TRUB1: variants seen among roughly 807,000 people sequenced by gnomAD.
TRUB1 encodes TruB pseudouridine synthase family member 1.
TRUB1 carries 23 observed loss-of-function variants against 33.9 expected under a neutral mutation model. That is an observed-to-expected ratio of 0.68 (90% CI 0.49 to 0.96). The LOEUF is 0.96. Among genes scored for constraint, TRUB1 ranks in the 40% least tolerant of loss-of-function variants. The pLI is 0.00. For synonymous variants in TRUB1, 163 were observed against 165.4 expected, an observed-to-expected ratio of 0.99 and a Z score of 0.11; for missense variants, 378 against 422.2, an observed-to-expected ratio of 0.90 and a Z score of 0.92.
chr10:114,942,565 C>A, intron 1 of TRUB1, 80 bp from the exon 2 acceptor site: 1 of 900,850 alleles, frequency 1.1e-6, no homozygotes, highest in Non-Finnish European at 1.8e-6. Flanking sequence ...AAATGCCATC[C>A]CCTTTTCCTC....
chr10:114,973,081 G>A (rs2143033349), intron 6 of TRUB1, among the ~76,000 whole-genome samples: 1 of 152,024 alleles, frequency 6.6e-6, no homozygotes, highest in Non-Finnish European at 1.5e-5. Context: ...AAACTCTATT[G>A]CTTTTTTATT....
intron 1 of TRUB1, among the ~76,000 whole-genome samples, chr10:114,941,930 A>AT (rs2084189024): frequency 6.6e-6 from 1 of 151,816 alleles, no homozygotes; most frequent in African/African-American, 2.4e-5. Flanking sequence ...GACTACAGGC[A>AT]CCCGCCACCA....
chr10:114,938,634 A>G, intron 1 of TRUB1, 95 bp downstream of exon 1: 1 of 1,308,042 alleles, frequency 7.6e-7, no homozygotes, highest in Non-Finnish European at 1.0e-6. Context: ...AAGAGACAAA[A>G]GGAGGGGAAA....
At position 114,976,568 on chromosome 10, in the gene TRUB1, A is replaced by C. The variant is rs972228628; in HGVS notation, c.*1189A>C. The C allele has an allele frequency of 6.6e-6, 1 of 152,154 alleles. No homozygotes were observed. Among genetic ancestry groups the C allele is most frequent in the Non-Finnish European group, 1.5e-5 (1 of 67,994 alleles). The allele number at this position is 152,154 out of a possible 1,614,324, so 9.4% of individuals were successfully genotyped here. ...AGTTTCAAAAGGAAGACTCATGAGA[A>C]ATTTCATAAAATACAAGTTTTTAGA... On this transcript the variant is annotated 3_prime_UTR_variant, in exon 8 of 8. Coordinates refer to ENST00000298746, the MANE Select transcript of TRUB1 (RefSeq NM_139169.5).
chr10:114,962,597 C>A (rs1343928976), intron 4 of TRUB1, among the ~76,000 whole-genome samples: 1 of 152,212 alleles, frequency 6.6e-6, no homozygotes, highest in Non-Finnish European at 1.5e-5. Context: ...CTAGTTGTTA[C>A]AATGACTGGG....
chr10:114,953,552 G>A (rs748601525), intron 3 of TRUB1, among the ~76,000 whole-genome samples: 3 of 151,814 alleles, frequency 2.0e-5, no homozygotes, highest in Admixed American at 6.6e-5. Flanking sequence ...TTTTGACTAA[G>A]ACCCATAGTA....
chr10:114,969,121 C>CT (rs71473075), intron 4 of TRUB1, among the ~76,000 whole-genome samples: 216 of 135,658 alleles, frequency 1.6e-3, no homozygotes, highest in Middle Eastern at 7.8e-3. Context: ...TATTTTTTGT[C>CT]TTTTTTTTTT....
At chr10:114,965,065 G>A (rs576081853) in intron 4 of TRUB1, among the ~76,000 whole-genome samples, 26 of 151,998 alleles carry the variant, frequency 1.7e-4, no homozygotes, top group African/African-American at 6.0e-4. Context: ...AAGTAGCTGG[G>A]ACTACAGGTG....
chr10:114,969,412 A>C (rs2084325007), intron 4 of TRUB1: 1 of 150,204 alleles, frequency 6.7e-6, no homozygotes, highest in Non-Finnish European at 1.5e-5. Flanking sequence ...CAGCCTGGGC[A>C]ACAGATTGAG....
chr10:114,938,558 G>A lies in TRUB1; in HGVS notation c.286+19G>A, dbSNP rs1457024854. On this transcript the variant is annotated intron_variant, in intron 1 of 7. Coordinates refer to ENST00000298746, the MANE Select transcript of TRUB1 (RefSeq NM_139169.5). The stretch of plus-strand genomic sequence containing the variant: ...CTGGCAGGTACTGCAGCCCGGGTGG[G>A]GACCAGGCTGAGGCGGTCGCTGCGA... 6.6e-7 allele frequency: 1 copy of A among 1,514,670 alleles called. No homozygotes were observed. The highest frequency in any genetic ancestry group is 8.8e-7 in the Non-Finnish European group (1 of 1,134,554). The allele number at this position is 1,514,670 out of a possible 1,614,324, so 93.8% of individuals were successfully genotyped here.
chr10:114,938,205 C>A lies in TRUB1; in HGVS notation c.-49C>A. ...GGTCCTGTCAGGCGCACTCTTGTTG[C>A]ATCATCAGCGTGCACCTCCACGATG... On this transcript the variant is annotated 5_prime_UTR_variant, in exon 1 of 8. Transcript: ENST00000298746. The A allele has an allele frequency of 6.3e-7, 1 of 1,595,720 alleles. No homozygotes were observed. Among genetic ancestry groups the A allele is most frequent in the Non-Finnish European group, 8.5e-7 (1 of 1,171,674 alleles).
chr10:114,961,808 T>C (rs2084286161), intron 4 of TRUB1, among the ~76,000 whole-genome samples: 1 of 152,188 alleles, frequency 6.6e-6, no homozygotes, highest in Non-Finnish European at 1.5e-5. Flanking sequence ...AAGGGAAAGA[T>C]AGATAAATGT....
intron 6 of TRUB1, among the ~76,000 whole-genome samples, chr10:114,973,017 C>T (rs752460895): frequency 4.6e-5 from 7 of 152,120 alleles, no homozygotes; most frequent in Non-Finnish European, 7.4e-5. Context: ...CTTAGTTTCA[C>T]AGTGCACTGA....
At chr10:114,961,588 C>G (rs1445970752) in intron 4 of TRUB1, among the ~76,000 whole-genome samples, 1 of 152,168 alleles carries the variant, frequency 6.6e-6, no homozygotes, top group Non-Finnish European at 1.5e-5. Flanking sequence ...TTTGTTAAAT[C>G]ATCTCATTGT....
chr10:114,942,532 A>G (rs927119470), intron 1 of TRUB1, 113 bp from the exon 2 acceptor site: 8 of 672,760 alleles, frequency 1.2e-5, no homozygotes, highest in African/African-American at 8.9e-5. Context: ...TAAAGTTTGT[A>G]TAATACTTTT....
chr10:114,949,293 G>A (rs548592363), intron 2 of TRUB1, among the ~76,000 whole-genome samples: 8 of 152,184 alleles, frequency 5.3e-5, no homozygotes, highest in African/African-American at 1.9e-4. Context: ...TTATTTGAAT[G>A]GAATCAAGTC....
In TRUB1 at chr10:114,941,009, A is replaced by G. The variant is rs141452868; in HGVS notation, c.287-1636A>G. Among the ~76,000 whole-genome samples, 34 of 152,282 alleles carry G rather than the reference A, an allele frequency of 2.2e-4. No homozygotes were observed. The East Asian group carries it at 6.4e-3, about 29-fold the overall frequency. ...TTGTTGGGAGGCCGAGCCACCCAGCATATCCTTTTGGCCATTTAATCTGGC... is the reference window on the plus strand; with the variant it reads ...TTGTTGGGAGGCCGAGCCACCCAGCGTATCCTTTTGGCCATTTAATCTGGC... On this transcript the variant is annotated intron_variant, in intron 1 of 7. Transcript: ENST00000298746.
intron 1 of TRUB1, among the ~76,000 whole-genome samples, chr10:114,942,019 C>G (rs1021179519): frequency 2.0e-5 from 3 of 151,348 alleles, no homozygotes; most frequent in Non-Finnish European, 4.4e-5. Context: ...CTCCTGACCT[C>G]GTGATCCGCC....
In TRUB1 at chr10:114,974,980, C is replaced by A. The variant is rs536548083; in HGVS notation, c.794-143C>A. On this transcript the variant is annotated intron_variant, in intron 7 of 7. Transcript: ENST00000298746. Reference sequence around the variant, plus strand: ...TACTTAATCATTTCTTTATCTGAGGCCTCTTGGTTCTTATATTGGATTATT... The same window carrying A: ...TACTTAATCATTTCTTTATCTGAGGACTCTTGGTTCTTATATTGGATTATT... 13 of 828,274 alleles carry A rather than the reference C, an allele frequency of 1.6e-5. No individual in the cohort carries two copies. The African/African-American group carries it at 1.7e-4, about 11-fold the overall frequency. The allele number at this position is 828,274 out of a possible 1,614,324, so 51.3% of individuals were successfully genotyped here.
Sources: gnomAD v4.1 joint callset for allele counts (sites outside exome capture counted in the v4.1 genomes callset) on GRCh38, gnomAD v4.1.1 for gene constraint, MANE v1.5 for transcripts, NCBI Gene and HGNC (gene_info 2026-07-23, HGNC 2026-07-21) for gene names.